ETS2: variants seen among roughly 807,000 people sequenced by gnomAD.
ETS2 encodes the protein ETS proto-oncogene 2, transcription factor.
In ETS2, 19 loss-of-function variants were observed where a neutral mutation model predicts 54.9. That is an observed-to-expected ratio of 0.35 (90% confidence interval 0.24 to 0.51). ETS2 has a LOEUF of 0.51. Among genes scored for constraint, ETS2 ranks in the 20% least tolerant of loss-of-function variants. ETS2 has a pLI of 0.97. For missense variants in ETS2, 417 were observed against 593.0 expected (o/e 0.70, Z 3.08); for synonymous variants, 219 against 229.3 (o/e 0.95, Z 0.41).
Position 38,813,103 on chromosome 21 carries a change from C to T in ETS2, c.173C>T (p.Ser58Phe), listed in dbSNP as rs868010226. Reference sequence around the variant, plus strand: ...CAAGAAGTGCCAACAGGCTTGGATTCCATTTCTCATGGTAATTGGTTCCTC... The same window carrying T: ...CAAGAAGTGCCAACAGGCTTGGATTTCATTTCTCATGGTAATTGGTTCCTC... Reference protein sequence around the residue: ...TLQEVPTGLDSISHDSANCEL... With the variant: ...TLQEVPTGLDFISHDSANCEL... Residue 58 changes from serine to phenylalanine, a missense_variant, in exon 3 of 10, where the codon TCC becomes TTC. This residue lies in a region of ETS2 where 326 missense variants were observed against 426.1 expected (regional missense o/e 0.76). Coordinates refer to ENST00000360938, the MANE Select transcript of ETS2 (RefSeq NM_005239.6). 1 of 1,607,754 alleles carries T rather than the reference C, an allele frequency of 6.2e-7. No individual in the cohort carries two copies. The highest frequency in any genetic ancestry group is 8.5e-7 in the Non-Finnish European group (1 of 1,174,132).
Position 38,821,758 on chromosome 21 carries a change from G to A in ETS2, c.1194+54G>A. ...GGCTTGAAAACCTGATTTCCTGCTT[G>A]CATTCAAAAACTCAGTTCTTTGGGC... On this transcript the variant is annotated intron_variant, in intron 9 of 9. Transcript: ENST00000360938. The surrounding 1 kb of genome is among the most constrained non-coding windows in gnomAD (Gnocchi z 4.2). 1 of 1,334,886 alleles carries A rather than the reference G, an allele frequency of 7.5e-7. No individual in the cohort carries two copies. The highest frequency in any genetic ancestry group is 1.7e-5 in the Admixed American group (1 of 58,444). 82.7% of individuals were successfully genotyped at this position (1,334,886 alleles called of 1,614,324 possible).
Position 38,823,064 on chromosome 21 carries a change from T to G in ETS2, c.*175T>G. The G allele has an allele frequency of 2.1e-6, 1 of 467,412 alleles. No homozygotes were observed. The highest frequency in any genetic ancestry group is 3.7e-6 in the Non-Finnish European group (1 of 269,350). 29.0% of individuals were successfully genotyped at this position (467,412 alleles called of 1,614,324 possible). Reference sequence around the variant, plus strand: ...ACGCCTCTTGACCAGGCTGCCTCCCTTGTGGCAGCAACGGCACAGCTAATT... The same window carrying G: ...ACGCCTCTTGACCAGGCTGCCTCCCGTGTGGCAGCAACGGCACAGCTAATT... On this transcript the variant is annotated 3_prime_UTR_variant, in exon 10 of 10. Transcript: ENST00000360938.
chr21:38,807,829 A>G (rs2123404523), intron 1 of ETS2, among the ~76,000 whole-genome samples: 1 of 152,326 alleles, frequency 6.6e-6, no homozygotes, highest in South Asian at 2.1e-4. Flanking sequence ...CTAAGGAAGA[A>G]AAAGAGCTGA....
intron 3 of ETS2, among the ~76,000 whole-genome samples, chr21:38,813,665 T>C (rs1235069780): frequency 6.6e-6 from 1 of 152,250 alleles, no homozygotes; most frequent in African/African-American, 2.4e-5. Context: ...GTTGGAAACA[T>C]GCCAGAGATG....
intron 1 of ETS2, among the ~76,000 whole-genome samples, chr21:38,807,483 T>C (rs1162701885): frequency 6.6e-6 from 1 of 151,858 alleles, no homozygotes; most frequent in Non-Finnish European, 1.5e-5. Flanking sequence ...GAAATTGATT[T>C]ATGTGGAAAA....
In ETS2 at chr21:38,814,375, G is replaced by A. The variant is rs535308565; in HGVS notation, c.287G>A (p.Arg96His). Residue 96 changes from arginine to histidine, a missense_variant, in exon 4 of 10, where the codon CGC (arginine) becomes CAC (histidine). Physicochemically the swap from Arg to His is conservative, Grantham distance 29. Coordinates refer to ENST00000360938, the MANE Select transcript of ETS2 (RefSeq NM_005239.6). This position sits in a 1 kb window ranked among gnomAD's most constrained non-coding sequence, Gnocchi z 4.2. The part of the protein sequence containing the change: ...TFSGFKKEQR[R>H]LGIPKNPWLW... ...AGTGGCTTCAAAAAGGAACAGCGGC[G>A]CCTGGGCATTCCAAAGAGTAAGTAC... is the stretch of plus-strand genomic sequence containing the variant. 2.5e-6 allele frequency: 4 copies of A among 1,614,010 alleles called. No homozygotes were observed. Among genetic ancestry groups the A allele is most frequent in the African/African-American group, 1.3e-5 (1 of 74,936 alleles).
intron 2 of ETS2, among the ~76,000 whole-genome samples, chr21:38,811,824 GT>G (rs1022054777): frequency 6.6e-6 from 1 of 151,888 alleles, no homozygotes; most frequent in Non-Finnish European, 1.5e-5. Flanking sequence ...GGTGATTTGG[GT>G]TTTTTTTGTT....
rs1486667669 is a variant in ETS2, at chr21:38,806,650, CG to C, written c.-1+534del. 1.1e-5 allele frequency: 11 copies of C among 984,876 alleles called. No homozygotes were observed. Among genetic ancestry groups the C allele is most frequent in the Admixed American group, 1.2e-4 (2 of 16,228 alleles). The allele number at this position is 984,876 out of a possible 1,614,324, so 61.0% of individuals were successfully genotyped here. A position where few individuals can be genotyped will look rare whatever the true frequency, so the allele number is the denominator to read the frequency against. On this transcript the variant is annotated intron_variant, in intron 1 of 9. Transcript: ENST00000360938. The surrounding 1 kb of genome is among the most constrained non-coding windows in gnomAD (Gnocchi z 4.3). ...AAGGCTGCGGCACCGCGGGAACCTG[CG>C]GGGCGCGGGGTGCCATGGTCACCTG...
chr21:38,819,475 AAAGT>A, intron 7 of ETS2, 24 bp from the exon 8 acceptor site: 1 of 1,611,010 alleles, frequency 6.2e-7, no homozygotes, highest in African/African-American at 1.3e-5. Context: ...TGGAGGAATC[AAAGT>A]ATGTGTTTGG....
intron 1 of ETS2, among the ~76,000 whole-genome samples, chr21:38,807,482 T>G (rs1033404464): frequency 1.3e-5 from 2 of 151,582 alleles, no homozygotes; most frequent in Non-Finnish European, 1.5e-5. Context: ...TGAAATTGAT[T>G]TATGTGGAAA....
chr21:38,818,462 A>C lies in ETS2; in HGVS notation c.627A>C (p.Thr209=). The change falls in exon 7 of 10, where the codon ACA becomes ACC. Residue 209 remains threonine (T), a synonymous_variant. Transcript: ENST00000360938. ...AGCAGGCGCCCTATGGAATGCAGACACAGAATTACCCCAAAGGCGGCCTCC... is the reference window on the plus strand; with the variant it reads ...AGCAGGCGCCCTATGGAATGCAGACCCAGAATTACCCCAAAGGCGGCCTCC... ...GTEQAPYGMQ[T]QNYPKGGLLD... The C allele has an allele frequency of 6.2e-7, 1 of 1,614,158 alleles. No homozygotes were observed. Among genetic ancestry groups the C allele is most frequent in the Non-Finnish European group, 8.5e-7 (1 of 1,180,026 alleles).
At chr21:38,815,093 C>T in intron 5 of ETS2, 112 bp downstream of exon 5, 1 of 1,001,020 alleles carries the variant, frequency 1.0e-6, no homozygotes, top group Admixed American at 2.0e-5. Context: ...CTTGAAATGA[C>T]ATAGAGTACC....
upstream of ETS2, chr21:38,805,471 A>G (rs960453139): frequency 1.6e-6 from 2 of 1,288,222 alleles, no homozygotes; most frequent in Non-Finnish European, 2.0e-6. This position sits in a 1 kb window ranked among gnomAD's most constrained non-coding sequence, Gnocchi z 5.2. Context: ...TTGGCCCCAG[A>G]GAGGACGCCG....
At chr21:38,810,013 C>T (rs1285764050) in intron 1 of ETS2, 22 bp from the exon 2 acceptor site, 15 of 1,193,214 alleles carry the variant, frequency 1.3e-5, no homozygotes, top group South Asian at 1.6e-5. Flanking sequence ...GCCTCTTTGA[C>T]TTTTTTTTTT....
chr21:38,821,503 C>A lies in ETS2; in HGVS notation c.1076-83C>A. 1.0e-6 allele frequency: 1 copy of A among 989,982 alleles called. No homozygotes were observed. Among genetic ancestry groups the A allele is most frequent in the Non-Finnish European group, 1.6e-6 (1 of 623,628 alleles). 61.3% of individuals were successfully genotyped at this position (989,982 alleles called of 1,614,324 possible). Reference sequence around the variant, plus strand: ...AGTTGGGTCTGCATTCCTAAATCAGCATGTACAATTAGGATGGTTAAAGAC... The same window carrying A: ...AGTTGGGTCTGCATTCCTAAATCAGAATGTACAATTAGGATGGTTAAAGAC... On this transcript the variant is annotated intron_variant, in intron 8 of 9. Coordinates refer to ENST00000360938, the MANE Select transcript of ETS2 (RefSeq NM_005239.6). The surrounding 1 kb of genome is among the most constrained non-coding windows in gnomAD (Gnocchi z 4.2).
chr21:38,811,355 C>T (rs978364924), intron 2 of ETS2, among the ~76,000 whole-genome samples: 10 of 152,156 alleles, frequency 6.6e-5, no homozygotes, highest in Non-Finnish European at 1.2e-4. Context: ...ATCGGTTTTC[C>T]TCGTAGATCT....
At chr21:38,813,180 A>G in intron 3 of ETS2, 66 bp downstream of exon 3, 1 of 980,098 alleles carries the variant, frequency 1.0e-6, no homozygotes, top group Non-Finnish European at 1.7e-6. Context: ...TAATAAAGAG[A>G]TGACAGTTCC....
chr21:38,813,146 C>T lies in ETS2; in HGVS notation c.184+32C>T. The T allele has an allele frequency of 2.2e-6, 3 of 1,334,740 alleles. No homozygotes were observed. In the South Asian group the frequency reaches 3.5e-5, roughly 16 times the overall value. The allele number at this position is 1,334,740 out of a possible 1,614,324, so 82.7% of individuals were successfully genotyped here. A position where few individuals can be genotyped will look rare whatever the true frequency, so the allele number is the denominator to read the frequency against. On this transcript the variant is annotated intron_variant, in intron 3 of 9. Transcript: ENST00000360938. ...GGTTCCTCAGACTTGACAAATTGTG[C>T]ATGATTTTCCTAAGTAGTTCAGTTA... is the stretch of plus-strand genomic sequence containing the variant.
At position 38,819,874 on chromosome 21, in the gene ETS2, A is replaced by G. The variant is rs2060951038; in HGVS notation, c.1075+108A>G. On this transcript the variant is annotated intron_variant, in intron 8 of 9. Coordinates refer to ENST00000360938, the MANE Select transcript of ETS2 (RefSeq NM_005239.6). ...CACCGAGGGTGTTTCTAAGCTAGGTACACCAGTGCTCTACACTCCATGTTT... is the reference window on the plus strand; with the variant it reads ...CACCGAGGGTGTTTCTAAGCTAGGTGCACCAGTGCTCTACACTCCATGTTT... 7 of 1,092,014 alleles carry G rather than the reference A, an allele frequency of 6.4e-6. No individual in the cohort carries two copies. The East Asian group carries it at 1.8e-4, about 28-fold the overall frequency. The allele number at this position is 1,092,014 out of a possible 1,614,324, so 67.6% of individuals were successfully genotyped here. A position where few individuals can be genotyped will look rare whatever the true frequency, so the allele number is the denominator to read the frequency against.
Sources: gnomAD v4.1 joint callset for allele counts (sites outside exome capture counted in the v4.1 genomes callset) on GRCh38, gnomAD v4.1.1 for gene constraint, gnomAD v4.1.1 regional missense constraint, Gnocchi (gnomAD v3.1) non-coding constraint, MANE v1.5 for transcripts, NCBI Gene and HGNC (gene_info 2026-07-23, HGNC 2026-07-21) for gene names.